LYPD5: variants seen among roughly 807,000 people sequenced by gnomAD.
LYPD5 encodes the protein ly6/PLAUR domain-containing protein 5.
In LYPD5, 21 loss-of-function variants were observed where a neutral mutation model predicts 19.1. The observed-to-expected ratio is 1.10, with a 90% CI of 0.78 to 1.58. The LOEUF (loss-of-function observed/expected upper bound fraction) is 1.58, where lower values mean the gene tolerates loss of function less well. Ranked by LOEUF, LYPD5 falls within the 40% of genes most tolerant of loss-of-function variation. LYPD5 has a pLI of 0.00. For synonymous variants in LYPD5, 128 were observed against 142.7 expected, an observed-to-expected ratio of 0.90 and a Z score of 0.74; for missense variants, 287 against 329.8, an observed-to-expected ratio of 0.87 and a Z score of 1.00.
intron 1 of LYPD5, among the ~76,000 whole-genome samples, chr19:43,810,234 C>CT (rs947812778): frequency 3.3e-5 from 5 of 152,016 alleles, no homozygotes; most frequent in African/African-American, 4.8e-5. Context: ...ATCTTTATGC[C>CT]TTTTTTTTCT....
At chr19:43,815,831 G>A (rs1449551520) in intron 1 of LYPD5, 4 of 331,700 alleles carry the variant, frequency 1.2e-5, no homozygotes, top group Non-Finnish European at 2.3e-5. Context: ...TCTGCTTCCC[G>A]ACTTCAAGCG....
chr19:43,819,989 AGC>A (rs775365657), intron 1 of LYPD5, among the ~76,000 whole-genome samples: 14,505 of 152,202 alleles, frequency 0.095, 829 homozygotes, highest in Non-Finnish European at 0.13. Context: ...AATACTGTGT[AGC>A]TAGAGAAGGA....
At chr19:43,803,980 G>A (rs188224891), upstream of LYPD5, among the ~76,000 whole-genome samples, 64 of 152,174 alleles carry the variant, frequency 4.2e-4, no homozygotes, top group Middle Eastern at 6.8e-3. Context: ...TGGGATTACA[G>A]GCATGTGCCA....
chr19:43,796,400 T>C lies in LYPD5; in HGVS notation c.*1191A>G, dbSNP rs1970129938. On this transcript the variant is annotated 3_prime_UTR_variant, in exon 5 of 5. Transcript: ENST00000377950. ...CAGTTATGAAAGTGTCCTGCACTCA[T>C]GAAAGTGTCCTGCACTCCTTGTGCT... is the stretch of plus-strand genomic sequence containing the variant. 2 of 152,134 alleles carry C rather than the reference T, an allele frequency of 1.3e-5. No homozygotes were observed. The highest frequency in any genetic ancestry group is 1.5e-5 in the Non-Finnish European group (1 of 67,964). The allele number at this position is 152,134 out of a possible 1,614,324, so 9.4% of individuals were successfully genotyped here. A position where few individuals can be genotyped will look rare whatever the true frequency, so the allele number is the denominator to read the frequency against.
chr19:43,803,993 A>G (rs34424221), upstream of LYPD5, among the ~76,000 whole-genome samples: 18,452 of 152,030 alleles, frequency 0.12, 1,749 homozygotes, highest in East Asian at 0.4. Flanking sequence ...ATGTGCCACC[A>G]TGCCTGGCTA....
intron 3 of LYPD5, 25 bp downstream of exon 3, chr19:43,798,787 A>G (rs771543268): frequency 1.3e-6 from 2 of 1,592,610 alleles, no homozygotes; most frequent in Admixed American, 1.8e-5. Flanking sequence ...TCCCTCCCGG[A>G]GCCCAGCCCC....
In LYPD5 at chr19:43,797,427, C is replaced by T. The variant is rs767809205; in HGVS notation, c.*164G>A. 1.5e-6 allele frequency: 1 copy of T among 646,608 alleles called. No individual in the cohort carries two copies. The highest frequency in any genetic ancestry group is 2.7e-6 in the Non-Finnish European group (1 of 375,126). The allele number at this position is 646,608 out of a possible 1,614,324, so 40.1% of individuals were successfully genotyped here. A position where few individuals can be genotyped will look rare whatever the true frequency, so the allele number is the denominator to read the frequency against. On this transcript the variant is annotated 3_prime_UTR_variant, in exon 5 of 5. Transcript: ENST00000377950. ...TGACTGTGTCCAGTTTCTTCCAGTA[C>T]TGTTGGCCAGGTTGTGGGGCACAAG...
intron 1 of LYPD5, among the ~76,000 whole-genome samples, chr19:43,813,136 C>T (rs535225909): frequency 4.8e-4 from 73 of 152,276 alleles, no homozygotes; most frequent in African/African-American, 1.7e-3. Flanking sequence ...GGCTGGTCTC[C>T]TTGAGAAGCA....
Position 43,802,319 on chromosome 19 carries a change from G to C in LYPD5, c.62C>G (p.Thr21Arg), listed in dbSNP as rs1340817787. 6 of 1,551,526 alleles carry C rather than the reference G, an allele frequency of 3.9e-6. No homozygotes were observed. The highest frequency in any genetic ancestry group is 3.3e-4 in the Middle Eastern group (2 of 5,990). Residue 21 changes from threonine (T) to arginine (R), a missense_variant and splice_region_variant, in exon 1 of 5, where the codon ACA (threonine) becomes AGA (arginine). Physicochemically the swap from Thr to Arg is moderately conservative, Grantham distance 71 (BLOSUM62 -1). Coordinates refer to ENST00000377950, the MANE Select transcript of LYPD5 (RefSeq NM_001031749.3). ...LCLFGAALCL[T>R]GSQALQCYSF... is the part of the protein sequence containing the mutation. ...ACTGGATTCAGAAGTTTGCGTACCT[G>C]TCAGGCAGAGCGCAGCCCCAAAGAG...
intron 1 of LYPD5, among the ~76,000 whole-genome samples, chr19:43,801,161 G>A (rs1970218983): frequency 6.6e-6 from 1 of 152,048 alleles, no homozygotes; most frequent in Non-Finnish European, 1.5e-5. Flanking sequence ...GTTTGAGGCT[G>A]TAGTGAGCCA....
At position 43,798,835 on chromosome 19, in the gene LYPD5, T is replaced by C; in HGVS notation, c.347A>G (p.Asp116Gly). 6.2e-7 allele frequency: 1 copy of C among 1,610,264 alleles called. No individual in the cohort carries two copies. Among genetic ancestry groups the C allele is most frequent in the Non-Finnish European group, 8.5e-7 (1 of 1,178,486 alleles). Residue 116 changes from aspartate (D) to glycine (G), a missense_variant, in exon 3 of 5, where the codon GAC becomes GGC. Coordinates refer to ENST00000377950, the MANE Select transcript of LYPD5 (RefSeq NM_001031749.3). ...DKCNAHLMTH[D>G]ALPNLSQAPD... ...ACCTTGGCTCAGGTTGGGGAGGGCGTCATGAGTCATGAGGTGGGCGTTGCA... is the reference window on the plus strand; with the variant it reads ...ACCTTGGCTCAGGTTGGGGAGGGCGCCATGAGTCATGAGGTGGGCGTTGCA...
intron 1 of LYPD5, among the ~76,000 whole-genome samples, chr19:43,810,793 TA>T (rs1176891957): frequency 6.6e-6 from 1 of 151,852 alleles, no homozygotes; most frequent in African/African-American, 2.4e-5. Flanking sequence ...CACGCCTGGC[TA>T]ATTCTTTGTA....
At chr19:43,802,753 C>A (rs1970239313), upstream of LYPD5, among the ~76,000 whole-genome samples, 1 of 152,102 alleles carries the variant, frequency 6.6e-6, no homozygotes, top group African/African-American at 2.4e-5. Context: ...ACCCACACAG[C>A]TTCCAATCCT....
chr19:43,813,169 T>C (rs1970341262), intron 1 of LYPD5, among the ~76,000 whole-genome samples: 1 of 152,172 alleles, frequency 6.6e-6, no homozygotes, highest in Admixed American at 6.5e-5. Flanking sequence ...GTGCTCAGGA[T>C]CAGCCTCTGC....
chr19:43,814,006 G>A lies in LYPD5; in HGVS notation c.-66+6534C>T, dbSNP rs760504414. Among the ~76,000 whole-genome samples, 20 of 152,200 alleles carry A rather than the reference G, an allele frequency of 1.3e-4. 1 individual carries two copies. Among genetic ancestry groups the A allele is most frequent in the Admixed American group, 9.8e-4 (15 of 15,292 alleles). On this transcript the variant is annotated intron_variant, in intron 1 of 4. Coordinates refer to the LYPD5 transcript ENST00000414615. The stretch of plus-strand genomic sequence containing the variant: ...CCCAACCAAGGATTATTTTTAGTAG[G>A]AATTAGGATGAGACACATATATGCA...
chr19:43,801,719 G>A (rs893242311), intron 1 of LYPD5, among the ~76,000 whole-genome samples: 1 of 152,118 alleles, frequency 6.6e-6, no homozygotes, highest in African/African-American at 2.4e-5. Flanking sequence ...GAGACTCATA[G>A]GACATACTGA....
chr19:43,807,441 G>A (rs994828918), upstream of LYPD5, among the ~76,000 whole-genome samples: 17 of 151,906 alleles, frequency 1.1e-4, no homozygotes, highest in South Asian at 2.3e-3. Flanking sequence ...CTGCCACCAC[G>A]CCCAGCTAAT....
Position 43,798,674 on chromosome 19 carries a change from A to G in LYPD5, c.371-73T>C, listed in dbSNP as rs923066707. The stretch of plus-strand genomic sequence containing the variant: ...AGTCGTGCGGGCTGCGCACTGCGCC[A>G]GAGCCCGCGCCTAGCACGTCTCGGG... On this transcript the variant is annotated intron_variant, in intron 3 of 4. Coordinates refer to ENST00000377950, the MANE Select transcript of LYPD5 (RefSeq NM_001031749.3). 4.6e-5 allele frequency: 72 copies of G among 1,579,720 alleles called. 1 individual carries two copies. The highest frequency in any genetic ancestry group is 4.3e-4 in the Admixed American group (25 of 58,152).
chr19:43,808,455 G>T (rs1011525056), intron 1 of LYPD5, among the ~76,000 whole-genome samples: 12 of 152,154 alleles, frequency 7.9e-5, no homozygotes, highest in Admixed American at 2.0e-4. Context: ...AAATTTAAGG[G>T]TTTAATATTT....
Sources: gnomAD v4.1 joint callset for allele counts (sites outside exome capture counted in the v4.1 genomes callset) on GRCh38, gnomAD v4.1.1 for gene constraint, MANE v1.5 for transcripts, NCBI Gene and HGNC (gene_info 2026-07-23, HGNC 2026-07-21) for gene names.